The following DCDC2C variants were observed in gnomAD, a reference collection of about 807,000 sequenced individuals.
DCDC2C encodes doublecortin domain-containing protein 2C.
Under a neutral mutation model 45.0 loss-of-function variants are expected in DCDC2C, and 44 were observed. That is an observed-to-expected ratio of 0.98 (90% CI 0.77 to 1.26). The LOEUF (loss-of-function observed/expected upper bound fraction) is 1.26. DCDC2C is among the 50% of genes most tolerant of loss of function. The pLI is 0.00. For missense variants in DCDC2C, 447 were observed against 468.9 expected (o/e 0.95, Z 0.43); for synonymous variants, 187 against 178.8 (o/e 1.05, Z -0.37).
chr2:3,712,261 G>T (rs938125596), intron 2 of DCDC2C, among the ~76,000 whole-genome samples: 1 of 152,142 alleles, frequency 6.6e-6, no homozygotes, highest in Non-Finnish European at 1.5e-5. Context: ...ACCGAAGGCT[G>T]CCCGTCACTC....
chr2:3,820,801 T>C (rs1490523870), intron 10 of DCDC2C, among the ~76,000 whole-genome samples: 1 of 152,136 alleles, frequency 6.6e-6, no homozygotes, highest in Non-Finnish European at 1.5e-5. Context: ...GTGAAAAGAC[T>C]GCTTACCTCA....
In DCDC2C at chr2:3,818,712, G is replaced by A. The variant is rs976353516; in HGVS notation, c.1066-28442G>A. On this transcript the variant is annotated intron_variant, in intron 10 of 10. Coordinates refer to ENST00000399143, the MANE Select transcript of DCDC2C (RefSeq NM_001287444.2). This position sits in a 1 kb window ranked among gnomAD's most constrained non-coding sequence, Gnocchi z 4.7. ...AAGGGATGGTAAGGGGTGCATGATC[G>A]GTCATCAAGGAGGGAGTAGAGGTGT... Among the ~76,000 whole-genome samples, 34 of 152,008 alleles carry A rather than the reference G, an allele frequency of 2.2e-4. No homozygotes were observed. The highest frequency in any genetic ancestry group is 9.7e-5 in the African/African-American group (4 of 41,384).
intron 10 of DCDC2C, among the ~76,000 whole-genome samples, chr2:3,797,619 C>A (rs996396646): frequency 1.4e-5 from 2 of 148,132 alleles, no homozygotes; most frequent in Non-Finnish European, 3.0e-5. Flanking sequence ...GCCTTCATTT[C>A]GTTATGTACC....
At chr2:3,733,828 C>T (rs377680050) in intron 3 of DCDC2C, among the ~76,000 whole-genome samples, 4 of 152,140 alleles carry the variant, frequency 2.6e-5, no homozygotes, top group East Asian at 1.9e-4. Flanking sequence ...TGAGGGGACA[C>T]GATTCAGACT....
intron 3 of DCDC2C, among the ~76,000 whole-genome samples, chr2:3,733,144 T>C (rs1356953681): frequency 6.6e-6 from 1 of 152,138 alleles, no homozygotes; most frequent in Admixed American, 6.5e-5. Flanking sequence ...TGGGGACATA[T>C]TGGGGACATA....
intron 10 of DCDC2C, among the ~76,000 whole-genome samples, chr2:3,846,382 G>A (rs906722186): frequency 1.3e-5 from 2 of 152,004 alleles, no homozygotes; most frequent in African/African-American, 4.8e-5. Flanking sequence ...AGCCTCCCGT[G>A]TAGCTGAGAC....
chr2:3,763,555 C>T (rs1669942267), intron 6 of DCDC2C, among the ~76,000 whole-genome samples: 2 of 152,344 alleles, frequency 1.3e-5, no homozygotes, highest in South Asian at 2.1e-4. Flanking sequence ...GCCAAGGTGG[C>T]CCTAGTCCCA....
At chr2:3,804,443 A>G (rs1278343841) in intron 10 of DCDC2C, among the ~76,000 whole-genome samples, 1 of 152,198 alleles carries the variant, frequency 6.6e-6, no homozygotes, top group Non-Finnish European at 1.5e-5. Context: ...TCCACTTTAA[A>G]GATGACAGTC....
intron 3 of DCDC2C, among the ~76,000 whole-genome samples, chr2:3,735,386 G>A (rs1050087535): frequency 1.7e-4 from 26 of 151,964 alleles, no homozygotes; most frequent in Admixed American, 3.9e-4. Flanking sequence ...TTAGCATTAG[G>A]TGTATCTCCT....
In DCDC2C at chr2:3,847,160, C is replaced by CTGTAGATTAACAAAACCCTGTACA; in HGVS notation, c.1072_1073insTGTAGATTAACAAAACCCTGTACA (p.Ala357_Arg358insLeuTer). The CTGTAGATTAACAAAACCCTGTACA allele has an allele frequency of 8.1e-7, 1 of 1,231,614 alleles. No individual in the cohort carries two copies. Among genetic ancestry groups the CTGTAGATTAACAAAACCCTGTACA allele is most frequent in the Non-Finnish European group, 1.0e-6 (1 of 987,918 alleles). 76.3% of individuals were successfully genotyped at this position (1,231,614 alleles called of 1,614,324 possible). On this transcript the variant is annotated stop_gained, in exon 11 of 11. Coordinates refer to ENST00000399143, the MANE Select transcript of DCDC2C (RefSeq NM_001287444.2). LOFTEE classifies it high-confidence loss of function. ...GCTTTTCTATGTCTTCCAGATGGCC[C>CTGTAGATTAACAAAACCCTGTACA]GGGAGTGGAAACCTGTAGATTAACA... is the stretch of plus-strand genomic sequence containing the variant.
At chr2:3,770,264 G>T (rs1670128149) in intron 8 of DCDC2C, among the ~76,000 whole-genome samples, 1 of 152,184 alleles carries the variant, frequency 6.6e-6, no homozygotes, top group African/African-American at 2.4e-5. Flanking sequence ...TTCCACCCCT[G>T]CTCCTGTAAC....
rs931246759 is a variant in DCDC2C, at chr2:3,846,339, C to T, written c.1066-815C>T. Reference sequence around the variant, plus strand: ...CTGTCGCTCAGGCTGGAGTGCAGTGCCACAATGACAGTCTCAAGCATCCTC... The same window carrying T: ...CTGTCGCTCAGGCTGGAGTGCAGTGTCACAATGACAGTCTCAAGCATCCTC... On this transcript the variant is annotated intron_variant, in intron 10 of 10. Transcript: ENST00000399143. Among the ~76,000 whole-genome samples, 4 of 151,832 alleles carry T rather than the reference C, an allele frequency of 2.6e-5. No homozygotes were observed. In the South Asian group the frequency reaches 8.3e-4, roughly 32 times the overall value.
chr2:3,803,804 C>T (rs541088276), intron 10 of DCDC2C, among the ~76,000 whole-genome samples: 1 of 152,300 alleles, frequency 6.6e-6, no homozygotes, highest in Non-Finnish European at 1.5e-5. Context: ...TGCACCACGT[C>T]CTCCCTCTCC....
At chr2:3,729,920 T>C (rs1351006437) in intron 3 of DCDC2C, among the ~76,000 whole-genome samples, 1 of 151,682 alleles carries the variant, frequency 6.6e-6, no homozygotes, top group Non-Finnish European at 1.5e-5. Context: ...TGGGACAGAG[T>C]TGTCATAGGC....
chr2:3,765,939 A>C (rs1268731308), intron 6 of DCDC2C, among the ~76,000 whole-genome samples: 1 of 152,196 alleles, frequency 6.6e-6, no homozygotes, highest in Admixed American at 6.5e-5. Flanking sequence ...TTTCACAGAA[A>C]TAAGGTATTT....
intron 4 of DCDC2C, among the ~76,000 whole-genome samples, chr2:3,750,126 A>G (rs553292148): frequency 1.2e-3 from 185 of 151,502 alleles, no homozygotes; most frequent in Admixed American, 3.3e-3. Context: ...CTTCTCCCTC[A>G]TCTGCCAGTC....
chr2:3,746,205 T>A (rs1393593978), intron 4 of DCDC2C, among the ~76,000 whole-genome samples: 1 of 152,126 alleles, frequency 6.6e-6, no homozygotes, highest in Non-Finnish European at 1.5e-5. Context: ...AGCATGTTCT[T>A]GAGAGGGAGC....
In DCDC2C at chr2:3,708,691, A is replaced by G; in HGVS notation, c.339+91A>G. On this transcript the variant is annotated intron_variant, in intron 2 of 10. Coordinates refer to ENST00000399143, the MANE Select transcript of DCDC2C (RefSeq NM_001287444.2). Reference sequence around the variant, plus strand: ...CGGCACGGAATAATTGAAGTTTCACAGAAGCAGTAAATGCCTGCAGAGATG... The same window carrying G: ...CGGCACGGAATAATTGAAGTTTCACGGAAGCAGTAAATGCCTGCAGAGATG... The G allele has an allele frequency of 4.0e-6, 4 of 1,011,900 alleles. No individual in the cohort carries two copies. The South Asian group carries it at 4.4e-5, about 11-fold the overall frequency. 62.7% of individuals were successfully genotyped at this position (1,011,900 alleles called of 1,614,324 possible).
rs1282617316 is a variant in DCDC2C, at chr2:3,752,545, C to A, written c.546-218C>A. 1.1e-5 allele frequency: 7 copies of A among 643,680 alleles called. No individual in the cohort carries two copies. The Admixed American group carries it at 1.5e-4, about 14-fold the overall frequency. The allele number at this position is 643,680 out of a possible 1,614,324, so 39.9% of individuals were successfully genotyped here. On this transcript the variant is annotated intron_variant, in intron 4 of 10. Transcript: ENST00000399143. The stretch of plus-strand genomic sequence containing the variant: ...GCACTTGTATATAATTAAAAATACA[C>A]TTTAATTAAAAAATCTAAAAGTGGA...
Sources: allele counts gnomAD v4.1 joint callset (sites outside exome capture counted in the v4.1 genomes callset), GRCh38; gene constraint gnomAD v4.1.1; non-coding constraint Gnocchi (gnomAD v3.1); transcripts MANE v1.5; gene names NCBI Gene and HGNC (gene_info 2026-07-23, HGNC 2026-07-21).